The following SAXO1 variants were observed in gnomAD, a reference collection of about 807,000 sequenced individuals.
SAXO1 encodes the protein 4930500O09Rik.
Under a neutral mutation model 17.5 loss-of-function variants are expected in SAXO1, and 21 were observed. The ratio of observed to expected loss-of-function variants is 1.20; its 90% confidence interval spans 0.85 to 1.72. The LOEUF is 1.72. SAXO1 is among the 40% of genes most tolerant of loss of function. The pLI is 0.00. For missense variants in SAXO1, 843 were observed against 596.0 expected, an observed-to-expected ratio of 1.41 and a Z score of -4.32; for synonymous variants, 274 against 216.5, an observed-to-expected ratio of 1.27 and a Z score of -2.33.
rs539808800 is a variant in SAXO1, at chr9:19,047,330, C to T, written c.-158+1879G>A. Among the ~76,000 whole-genome samples, 21 of 152,202 alleles carry T rather than the reference C, an allele frequency of 1.4e-4. No homozygotes were observed. The South Asian group carries it at 3.9e-3, about 29-fold the overall frequency. ...AGTGAGCCAAGATCGTGCAACTACACTCTAGCATGGGCAACAGAGTGAGAC... is the reference window on the plus strand; with the variant it reads ...AGTGAGCCAAGATCGTGCAACTACATTCTAGCATGGGCAACAGAGTGAGAC... On this transcript the variant is annotated intron_variant, in intron 1 of 3. Coordinates refer to the SAXO1 transcript ENST00000542071.
intron 1 of SAXO1, among the ~76,000 whole-genome samples, chr9:19,006,938 G>A (rs969248404): frequency 2.6e-5 from 4 of 152,036 alleles, no homozygotes; most frequent in African/African-American, 4.8e-5. Flanking sequence ...CCAGTTACTC[G>A]GGAGGCTGAT....
intron 1 of SAXO1, among the ~76,000 whole-genome samples, chr9:18,956,238 C>T (rs1832255277): frequency 6.6e-6 from 1 of 151,622 alleles, no homozygotes; most frequent in African/African-American, 2.4e-5. Flanking sequence ...GGTATAAGCA[C>T]CATGACCAGC....
intron 1 of SAXO1, chr9:19,028,258 C>G: frequency 2.9e-6 from 2 of 686,618 alleles, no homozygotes; most frequent in Non-Finnish European, 4.8e-6. Context: ...CGCCTGTAAT[C>G]CCAGCTGCTC....
chr9:18,948,123 G>C (rs565573530), intron 2 of SAXO1, among the ~76,000 whole-genome samples: 1 of 152,326 alleles, frequency 6.6e-6, no homozygotes, highest in African/African-American at 2.4e-5. Flanking sequence ...GGGCTGTGCA[G>C]ACACTGGGCT....
chr9:18,942,167 C>G (rs144883779), intron 2 of SAXO1, among the ~76,000 whole-genome samples: 143 of 152,334 alleles, frequency 9.4e-4, no homozygotes, highest in African/African-American at 3.2e-3. Context: ...AGCCTGCCAC[C>G]TGAGCTTCCT....
At chr9:19,032,797 G>A (rs988660882) in intron 1 of SAXO1, 74 bp downstream of exon 1, 23 of 1,530,114 alleles carry the variant, frequency 1.5e-5, no homozygotes, top group Middle Eastern at 1.7e-4. Context: ...TGAAGCAGCT[G>A]GGGGAGGCTT....
intron 1 of SAXO1, among the ~76,000 whole-genome samples, chr9:18,963,352 T>C (rs548845563): frequency 4.6e-5 from 7 of 152,332 alleles, no homozygotes; most frequent in African/African-American, 1.4e-4. Flanking sequence ...AAGTTAATGG[T>C]AGCTTGATGG....
intron 1 of SAXO1, among the ~76,000 whole-genome samples, chr9:19,032,128 G>C (rs1174575838): frequency 6.6e-6 from 1 of 152,104 alleles, no homozygotes; most frequent in African/African-American, 2.4e-5. Flanking sequence ...CAGGAAAGGT[G>C]ACCTCAGAAC....
At chr9:19,002,224 T>C (rs1283366683) in intron 1 of SAXO1, among the ~76,000 whole-genome samples, 1 of 152,096 alleles carries the variant, frequency 6.6e-6, no homozygotes, top group East Asian at 1.9e-4. Context: ...CATAGACCAA[T>C]AACAGGTTCT....
intron 1 of SAXO1, among the ~76,000 whole-genome samples, chr9:19,045,849 A>G (rs1029829347): frequency 2.0e-5 from 3 of 152,230 alleles, no homozygotes; most frequent in Non-Finnish European, 4.4e-5. Flanking sequence ...TCCATAAACT[A>G]CAGCAAAGGC....
intron 1 of SAXO1, among the ~76,000 whole-genome samples, chr9:18,972,878 G>C (rs372855772): frequency 6.6e-6 from 1 of 152,150 alleles, no homozygotes; most frequent in Non-Finnish European, 1.5e-5. Flanking sequence ...TTCCAACCCA[G>C]AGTACACATG....
intron 1 of SAXO1, among the ~76,000 whole-genome samples, chr9:19,019,957 A>G (rs1178260746): frequency 6.6e-6 from 1 of 151,822 alleles, no homozygotes; most frequent in East Asian, 1.9e-4. Context: ...TGTCAAGTTC[A>G]AGTTTTCTCA....
intron 1 of SAXO1, among the ~76,000 whole-genome samples, chr9:18,971,442 G>A (rs1458549955): frequency 6.6e-6 from 1 of 152,034 alleles, no homozygotes; most frequent in Non-Finnish European, 1.5e-5. Flanking sequence ...CCCCTATAAT[G>A]TCACTAAAGC....
intron 2 of SAXO1, among the ~76,000 whole-genome samples, chr9:18,945,109 C>G (rs888399767): frequency 6.6e-6 from 1 of 152,138 alleles, no homozygotes; most frequent in Non-Finnish European, 1.5e-5. Context: ...AAGAGTAAAA[C>G]AAGACACTAT....
At chr9:18,988,121 T>C (rs769759222) in intron 1 of SAXO1, among the ~76,000 whole-genome samples, 10 of 152,168 alleles carry the variant, frequency 6.6e-5, no homozygotes, top group Non-Finnish European at 1.5e-4. Flanking sequence ...ACAGCTTATT[T>C]GAAAAAGCAC....
rs554426588 is a variant in SAXO1 at position 18,967,787 on chromosome 9, G to A, written c.39-16850C>T. On this transcript the variant is annotated intron_variant, in intron 1 of 3. Coordinates refer to ENST00000380534, the MANE Select transcript of SAXO1 (RefSeq NM_153707.4). ...CTCACCAGCGTTCCGGGCACCATTGGGGTATGAAAAAAAAAACTCCTGCAG... is the reference window on the plus strand; with the variant it reads ...CTCACCAGCGTTCCGGGCACCATTGAGGTATGAAAAAAAAAACTCCTGCAG... Among the ~76,000 whole-genome samples, 5 of 141,512 alleles carry A rather than the reference G, an allele frequency of 3.5e-5. No homozygotes were observed. In the South Asian group the frequency reaches 6.4e-4, roughly 18 times the overall value. 92.8% of individuals were successfully genotyped at this position (141,512 alleles called of 152,430 possible). A position where few individuals can be genotyped will look rare whatever the true frequency, so the allele number is the denominator to read the frequency against.
At chr9:18,947,153 G>A (rs1316526872) in intron 2 of SAXO1, among the ~76,000 whole-genome samples, 2 of 152,238 alleles carry the variant, frequency 1.3e-5, no homozygotes, top group Admixed American at 1.3e-4. Context: ...CTAATTCTCA[G>A]GCCCAGGCTA....
intron 1 of SAXO1, among the ~76,000 whole-genome samples, chr9:18,988,140 C>G (rs1014486291): frequency 6.6e-5 from 10 of 152,180 alleles, no homozygotes; most frequent in Non-Finnish European, 1.0e-4. Flanking sequence ...ACAGAATGAG[C>G]AGTCACAGAT....
chr9:19,032,994 C>A lies in SAXO1; in HGVS notation c.-86G>T. On this transcript the variant is annotated 5_prime_UTR_variant, in exon 1 of 4. Transcript: ENST00000380534. ...GACCCCAACCACCTGTCTTGGGGCA[C>A]GCCCAGGCTCGAGGGTCTTGGCAGG... The A allele has an allele frequency of 7.2e-7, 1 of 1,386,688 alleles. No homozygotes were observed. The highest frequency in any genetic ancestry group is 1.4e-5 in the South Asian group (1 of 72,604). The allele number at this position is 1,386,688 out of a possible 1,614,324, so 85.9% of individuals were successfully genotyped here.
Sources: gnomAD v4.1 joint callset for allele counts (sites outside exome capture counted in the v4.1 genomes callset) on GRCh38, gnomAD v4.1.1 for gene constraint, MANE v1.5 for transcripts, NCBI Gene and HGNC (gene_info 2026-07-23, HGNC 2026-07-21) for gene names.